SLC13A1: variants seen among roughly 807,000 people sequenced by gnomAD.
The protein encoded by SLC13A1 is solute carrier family 13 member 1.
Under a neutral mutation model 70.0 loss-of-function variants are expected in SLC13A1, and 65 were observed. The observed-to-expected ratio is 0.93, with a 90% CI of 0.76 to 1.14. The LOEUF is 1.14. Ranked by LOEUF, SLC13A1 falls within the 50% of genes most tolerant of loss-of-function variation. SLC13A1 has a pLI of 0.00. For missense variants in SLC13A1, 726 were observed against 717.8 expected, an observed-to-expected ratio of 1.01 and a Z score of -0.13; for synonymous variants, 275 against 250.5, an observed-to-expected ratio of 1.10 and a Z score of -0.92.
intron 8 of SLC13A1, among the ~76,000 whole-genome samples, chr7:123,130,994 A>T (rs982976336): frequency 1.3e-5 from 2 of 152,316 alleles, no homozygotes; most frequent in South Asian, 4.1e-4. Flanking sequence ...TAAATGAAAA[A>T]ATGGCTAGAT....
intron 12 of SLC13A1, among the ~76,000 whole-genome samples, chr7:123,121,992 A>T (rs1023033601): frequency 1.3e-5 from 2 of 152,104 alleles, no homozygotes; most frequent in African/African-American, 4.8e-5. Context: ...AGATTTTTAT[A>T]GCAAACTAGA....
chr7:123,180,317 T>C (rs1260890507), intron 2 of SLC13A1, among the ~76,000 whole-genome samples: 2 of 152,138 alleles, frequency 1.3e-5, no homozygotes, highest in Non-Finnish European at 2.9e-5. Context: ...CCAAAGGTGA[T>C]AAATTGCACT....
At position 123,117,390 on chromosome 7, in the gene SLC13A1, T is replaced by C. The variant is rs900076322; in HGVS notation, c.1650+81A>G. The C allele has an allele frequency of 4.4e-6, 6 of 1,373,620 alleles. No individual in the cohort carries two copies. The East Asian group carries it at 1.1e-4, about 26-fold the overall frequency. The allele number at this position is 1,373,620 out of a possible 1,614,324, so 85.1% of individuals were successfully genotyped here. On this transcript the variant is annotated intron_variant, in intron 14 of 14. Coordinates refer to ENST00000194130, the MANE Select transcript of SLC13A1 (RefSeq NM_022444.4). ...TGCTTTTCCTGGTGGTTGATTGGTG[T>C]ATAAAAGGGAAGATAATTCAAGACA...
At chr7:123,177,366 C>G (rs1795481330) in intron 2 of SLC13A1, among the ~76,000 whole-genome samples, 1 of 152,146 alleles carries the variant, frequency 6.6e-6, no homozygotes, top group African/African-American at 2.4e-5. Context: ...TAACCTCCTA[C>G]CTGTCTCTTT....
intron 7 of SLC13A1, among the ~76,000 whole-genome samples, chr7:123,134,839 A>G (rs1793898512): frequency 6.6e-6 from 1 of 152,224 alleles, no homozygotes; most frequent in African/African-American, 2.4e-5. Flanking sequence ...TGAGTATTAA[A>G]TGCACAAGAA....
intron 6 of SLC13A1, among the ~76,000 whole-genome samples, chr7:123,162,295 T>G (rs929598382): frequency 1.3e-5 from 2 of 152,116 alleles, no homozygotes; most frequent in African/African-American, 4.8e-5. Flanking sequence ...AATAGTTTCT[T>G]TAATAGAAAA....
chr7:123,129,260 A>G, intron 9 of SLC13A1, 123 bp downstream of exon 9: 2 of 844,692 alleles, frequency 2.4e-6, no homozygotes, highest in Non-Finnish European at 3.7e-6. Context: ...ATACCTTGCA[A>G]GCAATTATGT....
rs1793109494 is a variant in SLC13A1, at chr7:123,114,244, G to A, written c.*1274C>T. 1 of 151,938 alleles carries A rather than the reference G, an allele frequency of 6.6e-6. No individual in the cohort carries two copies. Among genetic ancestry groups the A allele is most frequent in the African/African-American group, 2.4e-5 (1 of 41,368 alleles). 9.4% of individuals were successfully genotyped at this position (151,938 alleles called of 1,614,324 possible). ...TTTTCCTTTAGCTGAATTTTGGAAT[G>A]CCAATAGCACTTACTCTTTAAAAAT... On this transcript the variant is annotated 3_prime_UTR_variant, in exon 15 of 15. Coordinates refer to ENST00000194130, the MANE Select transcript of SLC13A1 (RefSeq NM_022444.4).
intron 6 of SLC13A1, among the ~76,000 whole-genome samples, chr7:123,157,168 G>A (rs560102174): frequency 1.3e-5 from 2 of 152,178 alleles, no homozygotes; most frequent in African/African-American, 2.4e-5. Flanking sequence ...TGAATAGCAA[G>A]AAATTGTAGG....
Position 123,134,125 on chromosome 7 carries a change from G to A in SLC13A1, c.932+285C>T, listed in dbSNP as rs190322900. On this transcript the variant is annotated intron_variant, in intron 8 of 14. Transcript: ENST00000194130. ...TGCTCTTGAACTCAGAGAGGATTGC[G>A]CAAGCAATCCTCCCACCTTGGCCTT... Among the ~76,000 whole-genome samples, 7 of 151,938 alleles carry A rather than the reference G, an allele frequency of 4.6e-5. No individual in the cohort carries two copies. The East Asian group carries it at 9.8e-4, about 21-fold the overall frequency.
chr7:123,182,700 C>G (rs989857463), intron 1 of SLC13A1, among the ~76,000 whole-genome samples: 1 of 152,114 alleles, frequency 6.6e-6, no homozygotes, highest in African/African-American at 2.4e-5. Flanking sequence ...AAGTGTTGAA[C>G]ATCCATGTCA....
intron 2 of SLC13A1, among the ~76,000 whole-genome samples, chr7:123,180,559 T>G (rs1795603480): frequency 6.6e-6 from 1 of 152,164 alleles, no homozygotes; most frequent in Admixed American, 6.6e-5. Flanking sequence ...GGCTTTATCT[T>G]TTGAAATGGC....
At chr7:123,140,213 T>C (rs1387406237) in intron 7 of SLC13A1, among the ~76,000 whole-genome samples, 2 of 151,846 alleles carry the variant, frequency 1.3e-5, no homozygotes, top group Admixed American at 1.3e-4. Context: ...CTTCCTTTTG[T>C]TGTTATGATG....
chr7:123,170,726 T>C (rs985420535), intron 3 of SLC13A1, among the ~76,000 whole-genome samples: 1 of 152,048 alleles, frequency 6.6e-6, no homozygotes, highest in Non-Finnish European at 1.5e-5. Context: ...CCTCCCAGAT[T>C]CAAGCAATTC....
intron 1 of SLC13A1, among the ~76,000 whole-genome samples, chr7:123,196,009 G>A (rs1796164855): frequency 6.6e-6 from 1 of 151,916 alleles, no homozygotes; most frequent in African/African-American, 2.4e-5. Flanking sequence ...CCAATAACTG[G>A]AAAAATAAGT....
At chr7:123,179,544 C>T (rs898494056) in intron 2 of SLC13A1, among the ~76,000 whole-genome samples, 4 of 152,104 alleles carry the variant, frequency 2.6e-5, no homozygotes, top group Admixed American at 6.5e-5. Flanking sequence ...CTGCCATTGG[C>T]ACCTACAATT....
intron 1 of SLC13A1, among the ~76,000 whole-genome samples, chr7:123,196,100 C>T (rs960575179): frequency 3.9e-5 from 6 of 152,092 alleles, no homozygotes; most frequent in African/African-American, 1.4e-4. Flanking sequence ...TAGAATATTA[C>T]TGAAACTATG....
intron 7 of SLC13A1, among the ~76,000 whole-genome samples, chr7:123,146,850 T>C (rs1794371137): frequency 7.4e-6 from 1 of 135,016 alleles, no homozygotes; most frequent in Non-Finnish European, 1.6e-5. Flanking sequence ...CTTTTCACTT[T>C]AGTTAACTAC....
chr7:123,188,067 T>G (rs1358900449), intron 1 of SLC13A1, among the ~76,000 whole-genome samples: 4 of 152,188 alleles, frequency 2.6e-5, no homozygotes, highest in African/African-American at 7.2e-5. Flanking sequence ...GTAATCTCCA[T>G]GCTACCCAGG....
Sources: allele counts gnomAD v4.1 joint callset (sites outside exome capture counted in the v4.1 genomes callset), GRCh38; gene constraint gnomAD v4.1.1; transcripts MANE v1.5; gene names NCBI Gene and HGNC (gene_info 2026-07-23, HGNC 2026-07-21).